The following ZSWIM3 variants were observed in gnomAD, a reference collection of about 807,000 sequenced individuals.
The protein encoded by ZSWIM3 is zinc finger SWIM-type containing 3.
A neutral mutation model predicts 47.5 loss-of-function variants in ZSWIM3; 27 were observed. That is an observed-to-expected ratio of 0.57 (90% CI 0.42 to 0.78). ZSWIM3 has a LOEUF of 0.78. ZSWIM3 is among the 30% of genes least tolerant of loss of function. The pLI is 0.00. For synonymous variants in ZSWIM3, 333 were observed against 333.9 expected (o/e 1.00, Z 0.03); for missense variants, 689 against 861.3 (o/e 0.80, Z 2.50).
intron 1 of ZSWIM3, among the ~76,000 whole-genome samples, chr20:45,862,865 G>GGCTCAA (rs1414132131): frequency 3.9e-5 from 6 of 152,090 alleles, no homozygotes; most frequent in Non-Finnish European, 8.8e-5. Flanking sequence ...TGAACTCCTA[G>GGCTCAA]GCTCAAGTGA....
intron 1 of ZSWIM3, among the ~76,000 whole-genome samples, chr20:45,874,072 A>G (rs1340759718): frequency 6.6e-6 from 1 of 152,162 alleles, no homozygotes; most frequent in Non-Finnish European, 1.5e-5. Context: ...GGATGTGGAC[A>G]TTTTTCTTTA....
chr20:45,860,050 G>A (rs1480001210), intron 1 of ZSWIM3, among the ~76,000 whole-genome samples: 2 of 152,148 alleles, frequency 1.3e-5, no homozygotes, highest in Non-Finnish European at 2.9e-5. Context: ...GCTGTCAGAA[G>A]GTGTATTGGT....
chr20:45,871,860 CAA>C (rs1418920398), intron 1 of ZSWIM3, among the ~76,000 whole-genome samples: 1 of 58,740 alleles, frequency 1.7e-5, no homozygotes, highest in African/African-American at 5.5e-5. Context: ...ATATCTGTCT[CAA>C]AGAAAAAAAA....
intron 1 of ZSWIM3, among the ~76,000 whole-genome samples, chr20:45,860,510 CAAAAAAAAAAA>C (rs59152975): frequency 1.5e-3 from 157 of 102,586 alleles, no homozygotes; most frequent in Admixed American, 1.5e-3. Context: ...GACTCCATCT[CAAAAAAAAAAA>C]AAAAAAAAAA....
chr20:45,863,356 C>T (rs1985757338), intron 1 of ZSWIM3, among the ~76,000 whole-genome samples: 3 of 152,034 alleles, frequency 2.0e-5, no homozygotes, highest in Admixed American at 6.6e-5. Flanking sequence ...AGTAGAGCTC[C>T]AAAGGAAAAA....
At chr20:45,858,816 C>T (rs972626607) in intron 1 of ZSWIM3, among the ~76,000 whole-genome samples, 7 of 152,030 alleles carry the variant, frequency 4.6e-5, no homozygotes, top group African/African-American at 1.7e-4. Flanking sequence ...TATTTTTTTG[C>T]ATTTGACAGA....
At chr20:45,866,822 G>T (rs200276826) in intron 1 of ZSWIM3, among the ~76,000 whole-genome samples, 1 of 139,266 alleles carries the variant, frequency 7.2e-6, no homozygotes, top group African/African-American at 2.7e-5. Context: ...AGAAGAAAAG[G>T]AAAGGAAAAT....
chr20:45,869,535 G>T (rs6130956), intron 1 of ZSWIM3, among the ~76,000 whole-genome samples: 68,974 of 150,896 alleles, frequency 0.46, 17,520 homozygotes, highest in Admixed American at 0.57. Flanking sequence ...AAAAAAAAAA[G>T]AAATGTGTCT....
chr20:45,876,814 G>A lies in ZSWIM3; in HGVS notation c.256G>A (p.Glu86Lys), dbSNP rs762759364. 3.7e-5 allele frequency: 59 copies of A among 1,614,052 alleles called. No homozygotes were observed. Among genetic ancestry groups the A allele is most frequent in the Non-Finnish European group, 4.7e-5 (55 of 1,180,036 alleles). Residue 86 changes from glutamate to lysine, a missense_variant, in exon 2 of 2, where the codon GAG (glutamate) becomes AAG (lysine). Physicochemically the swap from Glu to Lys is moderately conservative, Grantham distance 56. Transcript: ENST00000255152. Reference protein sequence around the residue: ...CPAYLLLRYNERLDRLFISEL... With the variant: ...CPAYLLLRYNKRLDRLFISEL... The stretch of plus-strand genomic sequence containing the variant: ...AGCGTACTTGCTCCTAAGGTACAAC[G>A]AGAGACTAGATAGACTATTTATCAG...
At chr20:45,866,517 G>A (rs1275843497) in intron 1 of ZSWIM3, among the ~76,000 whole-genome samples, 1 of 151,290 alleles carries the variant, frequency 6.6e-6, no homozygotes, top group African/African-American at 2.4e-5. Context: ...GATGATTAAG[G>A]AAATTCAGGC....
chr20:45,861,254 A>C (rs530844210), intron 1 of ZSWIM3, among the ~76,000 whole-genome samples: 2 of 152,260 alleles, frequency 1.3e-5, no homozygotes, highest in East Asian at 3.9e-4. Context: ...CATCTGTACA[A>C]AAAATACAAA....
chr20:45,864,901 T>C (rs1985799626), intron 1 of ZSWIM3, among the ~76,000 whole-genome samples: 1 of 152,118 alleles, frequency 6.6e-6, no homozygotes, highest in Non-Finnish European at 1.5e-5. Context: ...CCGGGCGTGG[T>C]GGCTCACGCC....
At chr20:45,870,750 G>T (rs55799789) in intron 1 of ZSWIM3, among the ~76,000 whole-genome samples, 1 of 151,782 alleles carries the variant, frequency 6.6e-6, no homozygotes, top group Admixed American at 6.6e-5. Flanking sequence ...CTGGAGTGCA[G>T]TGGCGTGATC....
chr20:45,865,319 CA>C (rs201175786), intron 1 of ZSWIM3, among the ~76,000 whole-genome samples: 2,515 of 100,810 alleles, frequency 0.025, 28 homozygotes, highest in East Asian at 0.11. Context: ...AACTCTGTCT[CA>C]AAAAAAAAAA....
chr20:45,857,931 G>C lies in ZSWIM3; in HGVS notation c.106G>C (p.Val36Leu). Residue 36 changes from valine (V) to leucine (L), a missense_variant, in exon 1 of 2, where the codon GTC (valine) becomes CTC (leucine). Physicochemically the swap from Val to Leu is conservative, Grantham distance 32 (BLOSUM62 1). Transcript: ENST00000255152. ...CTTCATTCTCAGGGACTGCGTCTCCGTCCGCTTCCACAACCTCAACCATGG... is the reference window on the plus strand; with the variant it reads ...CTTCATTCTCAGGGACTGCGTCTCCCTCCGCTTCCACAACCTCAACCATGG... ...CSFILRDCVS[V>L]RFHNLNHGTS... The C allele has an allele frequency of 6.7e-7, 1 of 1,488,986 alleles. No individual in the cohort carries two copies. The highest frequency in any genetic ancestry group is 9.0e-7 in the Non-Finnish European group (1 of 1,106,018). The allele number at this position is 1,488,986 out of a possible 1,614,324, so 92.2% of individuals were successfully genotyped here.
intron 1 of ZSWIM3, among the ~76,000 whole-genome samples, chr20:45,874,947 TTTG>T (rs1986053985): frequency 1.3e-5 from 2 of 152,006 alleles, no homozygotes; most frequent in African/African-American, 4.8e-5. Context: ...TCATGGGGAT[TTTG>T]TTGTTATTGT....
intron 1 of ZSWIM3, among the ~76,000 whole-genome samples, chr20:45,869,098 G>A (rs6130955): frequency 0.46 from 69,336 of 151,664 alleles, 17,655 homozygotes; most frequent in Admixed American, 0.57. Flanking sequence ...CACTGTGCCC[G>A]GCCCTGCTAA....
intron 1 of ZSWIM3, among the ~76,000 whole-genome samples, chr20:45,859,140 A>G (rs1985633949): frequency 6.6e-6 from 1 of 152,050 alleles, no homozygotes; most frequent in African/African-American, 2.4e-5. Flanking sequence ...CTTTATGTGG[A>G]TTTTCCCATT....
At chr20:45,858,442 TG>T (rs1985602953) in intron 1 of ZSWIM3, among the ~76,000 whole-genome samples, 3 of 152,212 alleles carry the variant, frequency 2.0e-5, no homozygotes, top group Admixed American at 1.3e-4. Flanking sequence ...TGGAGTGCAG[TG>T]GCACAATCAG....
Sources: allele counts gnomAD v4.1 joint callset (sites outside exome capture counted in the v4.1 genomes callset), GRCh38; gene constraint gnomAD v4.1.1; transcripts MANE v1.5; gene names NCBI Gene and HGNC (gene_info 2026-07-23, HGNC 2026-07-21).